PDE4D: variants seen among roughly 807,000 people sequenced by gnomAD.
PDE4D encodes the protein phosphodiesterase 4D.
Under a neutral mutation model 87.4 loss-of-function variants are expected in PDE4D, and 24 were observed. That is an observed-to-expected ratio of 0.27 (90% CI 0.20 to 0.39). PDE4D has a LOEUF of 0.39. Ranked by LOEUF, PDE4D falls within the 10% of genes least tolerant of loss-of-function variation. The pLI is 1.00. For missense variants in PDE4D, 714 were observed against 1,041.0 expected (o/e 0.69, Z 4.32); for synonymous variants, 384 against 383.2 (o/e 1.00, Z -0.02).
At chr5:60,361,426 T>C (rs1020467687) in intron 1 of PDE4D, among the ~76,000 whole-genome samples, 7 of 152,224 alleles carry the variant, frequency 4.6e-5, no homozygotes, top group African/African-American at 1.7e-4. Flanking sequence ...AAATCAATGG[T>C]AACTACATGA....
intron 1 of PDE4D, among the ~76,000 whole-genome samples, chr5:59,741,782 A>T (rs1758876634): frequency 6.6e-6 from 1 of 152,182 alleles, no homozygotes; most frequent in South Asian, 2.1e-4. Context: ...ACAGAAGATA[A>T]CAGGAGAAGA....
chr5:59,524,022 A>T (rs1812661393), intron 1 of PDE4D, among the ~76,000 whole-genome samples: 1 of 152,212 alleles, frequency 6.6e-6, no homozygotes, highest in African/African-American at 2.4e-5. Flanking sequence ...CAAATTACCC[A>T]GTCTCAGGCA....
rs1203232940 is a variant in PDE4D, at chr5:59,168,220, T to C, written c.808+12375A>G. On this transcript the variant is annotated intron_variant, in intron 5 of 14. Coordinates refer to ENST00000340635, the MANE Select transcript of PDE4D (RefSeq NM_001104631.2). ...TTGCCTAGCAATGGTAGCTAAGAGATGATAATGGCATGAAGAGACTTCACC... is the reference window on the plus strand; with the variant it reads ...TTGCCTAGCAATGGTAGCTAAGAGACGATAATGGCATGAAGAGACTTCACC... 2.0e-5 allele frequency among the ~76,000 whole-genome samples: 3 copies of C among 152,132 alleles called. No homozygotes were observed. In the East Asian group the frequency reaches 5.8e-4, roughly 29 times the overall value.
chr5:60,129,158 A>C (rs1779364481), intron 2 of PDE4D, among the ~76,000 whole-genome samples: 1 of 152,230 alleles, frequency 6.6e-6, no homozygotes. Flanking sequence ...TTAGAACAGC[A>C]CTAAAATTTA....
intron 2 of PDE4D, among the ~76,000 whole-genome samples, chr5:60,076,685 C>T (rs571700673): frequency 0.015 from 2 of 132 alleles, no homozygotes; most frequent in South Asian, 0.5. Flanking sequence ...AGGTTAGGAA[C>T]CTGCTCACTG....
chr5:60,029,423 A>T (rs2152858373), intron 2 of PDE4D, among the ~76,000 whole-genome samples: 1 of 152,252 alleles, frequency 6.6e-6, no homozygotes, highest in South Asian at 2.1e-4. Context: ...GTGACCTGTA[A>T]GTTCCCGCTT....
At chr5:59,888,657 G>C (rs954117135) in intron 1 of PDE4D, among the ~76,000 whole-genome samples, 1 of 151,736 alleles carries the variant, frequency 6.6e-6, no homozygotes, top group Non-Finnish European at 1.5e-5. Flanking sequence ...TAAAGATACT[G>C]TTTCCTAAAT....
chr5:59,773,811 T>C (rs1763812821), intron 1 of PDE4D, among the ~76,000 whole-genome samples: 1 of 152,158 alleles, frequency 6.6e-6, no homozygotes, highest in South Asian at 2.1e-4. Context: ...ATCATCATCA[T>C]CATTGACCTT....
intron 1 of PDE4D, chr5:60,521,512 TC>T (rs1366849043): frequency 6.6e-6 from 1 of 152,160 alleles, no homozygotes; most frequent in African/African-American, 2.4e-5. Context: ...GGCTTCACTC[TC>T]AGCACTGTTA....
At chr5:59,201,279 T>C (rs1747310023) in intron 2 of PDE4D, among the ~76,000 whole-genome samples, 2 of 152,242 alleles carry the variant, frequency 1.3e-5, no homozygotes, top group African/African-American at 2.4e-5. Context: ...AGGTAATTCA[T>C]GGGAATGTTA....
chr5:59,310,993 T>C (rs936834985), intron 1 of PDE4D, among the ~76,000 whole-genome samples: 6 of 152,174 alleles, frequency 3.9e-5, no homozygotes, highest in Admixed American at 2.6e-4. Context: ...GAAAACCATT[T>C]CATTGCTGGA....
chr5:59,212,251 T>TA (rs1283350842), intron 2 of PDE4D, among the ~76,000 whole-genome samples: 1 of 152,194 alleles, frequency 6.6e-6, no homozygotes, highest in African/African-American at 2.4e-5. Context: ...TGGTGGAAGA[T>TA]ATGTGTCGTG....
intron 5 of PDE4D, among the ~76,000 whole-genome samples, chr5:59,059,732 C>G (rs777754159): frequency 6.2e-4 from 95 of 152,254 alleles, no homozygotes; most frequent in South Asian, 1.2e-3. Context: ...CACAAAATAA[C>G]ACAACTTTCC....
At position 59,091,260 on chromosome 5, in the gene PDE4D, CCCATGAAT is replaced by C. The variant is rs1427241030; in HGVS notation, c.809-52297_809-52290del. 1.6e-4 allele frequency: 61 copies of C among 374,700 alleles called. 1 individual carries two copies. Among genetic ancestry groups the C allele is most frequent in the South Asian group, 6.1e-4 (29 of 47,564 alleles). 23.2% of individuals were successfully genotyped at this position (374,700 alleles called of 1,614,324 possible). ...CTGCTGAAGTTAAAGATATGCATGA[CCCATGAAT>C]CCACTCCTAGGTATATTCCCCCACA... On this transcript the variant is annotated intron_variant, in intron 5 of 14. Coordinates refer to ENST00000340635, the MANE Select transcript of PDE4D (RefSeq NM_001104631.2).
At chr5:59,896,801 C>T (rs1288095400), upstream of PDE4D, among the ~76,000 whole-genome samples, 1 of 152,128 alleles carries the variant, frequency 6.6e-6, no homozygotes, top group Non-Finnish European at 1.5e-5. Context: ...ACTCTAGTTG[C>T]CTCTATGCTA....
chr5:60,104,340 G>A (rs1294069094), intron 2 of PDE4D, among the ~76,000 whole-genome samples: 12 of 152,192 alleles, frequency 7.9e-5, no homozygotes, highest in South Asian at 2.1e-4. Context: ...GCTTGCTTAC[G>A]TAAACAAAGC....
intron 1 of PDE4D, among the ~76,000 whole-genome samples, chr5:59,390,405 G>A (rs1399752449): frequency 6.6e-6 from 1 of 152,090 alleles, no homozygotes; most frequent in African/African-American, 2.4e-5. Context: ...GCATGACAAA[G>A]TATATGTTAA....
intron 1 of PDE4D, among the ~76,000 whole-genome samples, chr5:59,276,278 C>G (rs1764815131): frequency 6.6e-6 from 1 of 152,034 alleles, no homozygotes; most frequent in Non-Finnish European, 1.5e-5. Flanking sequence ...AAACCATTTC[C>G]TTCTCTGGGA....
chr5:59,857,400 T>C (rs1049525440), intron 1 of PDE4D, among the ~76,000 whole-genome samples: 2 of 152,180 alleles, frequency 1.3e-5, no homozygotes, highest in African/African-American at 4.8e-5. Context: ...ATTCCTCTTT[T>C]CAAGATGCTA....
Sources: allele counts gnomAD v4.1 joint callset (sites outside exome capture counted in the v4.1 genomes callset), GRCh38; gene constraint gnomAD v4.1.1; transcripts MANE v1.5; gene names NCBI Gene and HGNC (gene_info 2026-07-23, HGNC 2026-07-21).